The following TXLNB variants were observed in gnomAD, a reference collection of about 807,000 sequenced individuals.
TXLNB encodes beta-taxilin.
In TXLNB, 37 loss-of-function variants were observed where a neutral mutation model predicts 57.4. That is an observed-to-expected ratio of 0.64 (90% CI 0.50 to 0.85). The LOEUF (loss-of-function observed/expected upper bound fraction) is 0.85. TXLNB is among the 40% of genes least tolerant of loss of function. TXLNB has a pLI of 0.00. For synonymous variants in TXLNB, 302 were observed against 309.6 expected (o/e 0.98, Z 0.26); for missense variants, 848 against 825.6 (o/e 1.03, Z -0.33).
the TXLNB span, among the ~76,000 whole-genome samples, chr6:139,181,870 G>A: frequency 6.6e-6 from 1 of 152,160 alleles, no homozygotes; most frequent in Admixed American, 6.5e-5. Context: ...TTGGTTTGAG[G>A]TCTCCAGGTT....
At chr6:139,278,640 C>A (rs1183570410) in intron 2 of TXLNB, among the ~76,000 whole-genome samples, 1 of 152,152 alleles carries the variant, frequency 6.6e-6, no homozygotes, top group Non-Finnish European at 1.5e-5. Flanking sequence ...TACTCTTGAT[C>A]ATTCTTGGCC....
the TXLNB span, among the ~76,000 whole-genome samples, chr6:139,306,521 C>G: frequency 6.6e-6 from 1 of 152,206 alleles, no homozygotes; most frequent in African/African-American, 2.4e-5. Context: ...CAGACCCTGC[C>G]TAAGCATTTG....
chr6:139,171,322 C>T, the TXLNB span, among the ~76,000 whole-genome samples: 1 of 152,094 alleles, frequency 6.6e-6, no homozygotes, highest in Non-Finnish European at 1.5e-5. Flanking sequence ...AAAATTAGGC[C>T]TGAGTACTTG....
the TXLNB span, among the ~76,000 whole-genome samples, chr6:139,189,674 C>T: frequency 9.2e-5 from 14 of 152,198 alleles, no homozygotes; most frequent in African/African-American, 3.4e-4. Context: ...AGTAAGCTTT[C>T]ACCTCTTCAA....
At chr6:139,287,916 T>C (rs6927460) in intron 2 of TXLNB, among the ~76,000 whole-genome samples, 60,706 of 152,178 alleles carry the variant, frequency 0.4, 14,943 homozygotes, top group African/African-American at 0.71. Flanking sequence ...AAGACCATGA[T>C]TTATTTATCT....
At chr6:139,218,767 A>G in the TXLNB span, among the ~76,000 whole-genome samples, 2 of 152,094 alleles carry the variant, frequency 1.3e-5, no homozygotes, top group African/African-American at 2.4e-5. Flanking sequence ...AAAAGATTCC[A>G]TAATATTATT....
At chr6:139,298,393 A>G in the TXLNB span, among the ~76,000 whole-genome samples, 1 of 152,180 alleles carries the variant, frequency 6.6e-6, no homozygotes, top group African/African-American at 2.4e-5. Context: ...TTAATATGAC[A>G]TTGCTGCATG....
At chr6:139,195,872 T>C in the TXLNB span, among the ~76,000 whole-genome samples, 3 of 152,010 alleles carry the variant, frequency 2.0e-5, no homozygotes, top group African/African-American at 7.2e-5. Flanking sequence ...TGTTTTGCTG[T>C]TTTCTCCAAA....
the TXLNB span, among the ~76,000 whole-genome samples, chr6:139,234,766 C>T: frequency 6.6e-6 from 1 of 152,230 alleles, no homozygotes; most frequent in Non-Finnish European, 1.5e-5. Flanking sequence ...TGAGACACCG[C>T]CTAGTGGAGC....
downstream of TXLNB, among the ~76,000 whole-genome samples, chr6:139,235,101 G>A (rs1233504245): frequency 6.6e-6 from 1 of 152,172 alleles, no homozygotes; most frequent in African/African-American, 2.4e-5. Flanking sequence ...TTCCCATTTG[G>A]AATAGGTGTA....
At chr6:139,322,915 C>T in the TXLNB span, among the ~76,000 whole-genome samples, 1 of 152,096 alleles carries the variant, frequency 6.6e-6, no homozygotes, top group Non-Finnish European at 1.5e-5. Flanking sequence ...CTGTTGAATC[C>T]CCCATAAACA....
At chr6:139,305,885 G>A in the TXLNB span, among the ~76,000 whole-genome samples, 2 of 152,106 alleles carry the variant, frequency 1.3e-5, no homozygotes, top group African/African-American at 2.4e-5. Flanking sequence ...TCCTTAATGA[G>A]TTTGCATTTT....
downstream of TXLNB, chr6:139,237,573 C>G (rs1318045685): frequency 6.6e-6 from 1 of 150,890 alleles, no homozygotes; most frequent in East Asian, 1.9e-4. Flanking sequence ...GATATTTTAC[C>G]TATAACATAT....
chr6:139,252,818 T>C (rs777634949), intron 7 of TXLNB, among the ~76,000 whole-genome samples: 6 of 152,140 alleles, frequency 3.9e-5, no homozygotes, highest in Admixed American at 6.5e-5. Flanking sequence ...GGTGAAACCC[T>C]GTCTCTACTA....
rs751023549 is a variant in TXLNB, at chr6:139,288,719, G to A, written c.181C>T (p.Arg61Ter). The A allele has an allele frequency of 3.1e-6, 5 of 1,614,016 alleles. No individual in the cohort carries two copies. Among genetic ancestry groups the A allele is most frequent in the East Asian group, 4.5e-5 (2 of 44,888 alleles). ...GTGTTAATGATGTCTTCCAGCTGTCGATTCAGCTCTTCAGAGATATCGGGG... is the reference window on the plus strand; with the variant it reads ...GTGTTAATGATGTCTTCCAGCTGTCAATTCAGCTCTTCAGAGATATCGGGG... ...VHPDISEELN[R>*]QLEDIINTYG... Residue 61 changes from arginine to a stop codon, truncating the protein, a stop_gained, in exon 2 of 10, where the codon CGA becomes TGA. Coordinates refer to ENST00000358430, the MANE Select transcript of TXLNB (RefSeq NM_153235.4). LOFTEE classifies it high-confidence loss of function.
the TXLNB span, among the ~76,000 whole-genome samples, chr6:139,187,815 A>G: frequency 6.6e-6 from 1 of 152,232 alleles, no homozygotes; most frequent in Admixed American, 6.5e-5. Flanking sequence ...AGAAGATTCT[A>G]CTGCTCAAGC....
chr6:139,168,337 T>C, the TXLNB span, among the ~76,000 whole-genome samples: 1 of 152,118 alleles, frequency 6.6e-6, no homozygotes, highest in Non-Finnish European at 1.5e-5. Context: ...AGCCAAGAAG[T>C]ATAGGGTTTT....
the TXLNB span, among the ~76,000 whole-genome samples, chr6:139,193,840 ATTTTTTTT>A: frequency 8.2e-5 from 7 of 85,220 alleles, no homozygotes; most frequent in South Asian, 4.5e-4. Context: ...ATATATATAT[ATTTTTTTT>A]TTTTTTTTTT....
intron 7 of TXLNB, among the ~76,000 whole-genome samples, chr6:139,250,353 CTTTCTTTTT>C (rs1562273720): frequency 1.5e-5 from 2 of 133,954 alleles, no homozygotes; most frequent in East Asian, 4.1e-4. Context: ...TTCTTTCTTT[CTTTCTTTTT>C]TTTTTTTTTT....
Sources: allele counts gnomAD v4.1 joint callset (sites outside exome capture counted in the v4.1 genomes callset), GRCh38; gene constraint gnomAD v4.1.1; transcripts MANE v1.5; gene names NCBI Gene and HGNC (gene_info 2026-07-23, HGNC 2026-07-21).